Variants in NEDD4 observed in about 807,000 individuals in gnomAD.
NEDD4 encodes the protein NEDD4 E3 ubiquitin protein ligase.
Under a neutral mutation model 144.9 loss-of-function variants are expected in NEDD4, and 99 were observed. That is an observed-to-expected ratio of 0.68 (90% CI 0.58 to 0.81). The LOEUF (loss-of-function observed/expected upper bound fraction) is 0.81. Among genes scored for constraint, NEDD4 ranks in the 30% least tolerant of loss-of-function variants. The probability of loss-of-function intolerance (pLI) is 0.00; values close to 1 mark genes in which losing one functional copy is unlikely to be tolerated. For synonymous variants in NEDD4, 318 were observed against 350.6 expected (o/e 0.91, Z 1.04); for missense variants, 985 against 1,065.9 (o/e 0.92, Z 1.06).
At position 55,833,754 on chromosome 15, in the gene NEDD4, G is replaced by A. The variant is rs74015305; in HGVS notation, c.2430+284C>T. Among the ~76,000 whole-genome samples the A allele has an allele frequency of 9.8e-3, 1,486 of 152,248 alleles. 38 individuals are homozygous for A. Among genetic ancestry groups the A allele is most frequent in the African/African-American group, 0.034 (1,393 of 41,538 alleles). ...ACCCAGGAGTCCCTAGGAATACCCT[G>A]CAGGTTATTACAAGTTCTTTCAGTC... On this transcript the variant is annotated intron_variant, in intron 26 of 28. Coordinates refer to ENST00000435532, the MANE Select transcript of NEDD4 (RefSeq NM_006154.4).
chr15:55,930,410 C>G (rs970556318), intron 4 of NEDD4, among the ~76,000 whole-genome samples: 2 of 152,108 alleles, frequency 1.3e-5, no homozygotes, highest in Non-Finnish European at 2.9e-5. Flanking sequence ...AAAAGTTAGT[C>G]AAACCATTTT....
chr15:55,950,120 G>T (rs2037211172), intron 4 of NEDD4, among the ~76,000 whole-genome samples: 1 of 152,040 alleles, frequency 6.6e-6, no homozygotes, highest in Non-Finnish European at 1.5e-5. Context: ...ATCAAGTCTG[G>T]AATTTATTCT....
rs147936010 is a variant in NEDD4 at position 55,924,810 on chromosome 15, G to A, written c.238-111C>T. 4,665 of 1,055,644 alleles carry A rather than the reference G, an allele frequency of 4.4e-3. 148 individuals are homozygous for A. The African/African-American group carries it at 0.067, about 15-fold the overall frequency. 65.4% of individuals were successfully genotyped at this position (1,055,644 alleles called of 1,614,324 possible). On this transcript the variant is annotated intron_variant, in intron 4 of 28. Transcript: ENST00000435532. ...TGGTCGGGCATGGTGGCTCATGCCT[G>A]TAATCCCAGCACTTTGGGAGGCCGA...
intron 1 of NEDD4, among the ~76,000 whole-genome samples, chr15:55,977,589 C>T (rs2037726998): frequency 1.3e-5 from 2 of 151,922 alleles, no homozygotes; most frequent in African/African-American, 2.4e-5. Flanking sequence ...TCTTCCATCA[C>T]CAAATAAAAT....
intron 19 of NEDD4, among the ~76,000 whole-genome samples, chr15:55,841,573 A>AC (rs1426378962): frequency 1.8e-4 from 27 of 152,190 alleles, no homozygotes; most frequent in South Asian, 4.1e-4. Context: ...TTGTATATTT[A>AC]AAATGGCTAA....
chr15:55,938,317 C>A (rs148316623), intron 4 of NEDD4, among the ~76,000 whole-genome samples: 2 of 152,022 alleles, frequency 1.3e-5, no homozygotes, highest in Admixed American at 1.3e-4. Context: ...CGAGATCGTG[C>A]CACTGCATTC....
At chr15:55,969,870 G>A (rs1390353525) in intron 1 of NEDD4, among the ~76,000 whole-genome samples, 3 of 150,214 alleles carry the variant, frequency 2.0e-5, no homozygotes, top group African/African-American at 7.4e-5. Flanking sequence ...CCTGCTTAAG[G>A]AAAGGAGAGG....
At chr15:55,938,489 C>T (rs774737408) in intron 4 of NEDD4, among the ~76,000 whole-genome samples, 40 of 152,050 alleles carry the variant, frequency 2.6e-4, no homozygotes, top group Admixed American at 1.8e-3. Context: ...CAAACAAGAC[C>T]CGACACTGTA....
intron 1 of NEDD4, among the ~76,000 whole-genome samples, chr15:55,976,941 T>A (rs1323051245): frequency 3.9e-5 from 6 of 152,158 alleles, no homozygotes; most frequent in Non-Finnish European, 8.8e-5. Context: ...CCAACATTTT[T>A]AAAATTTTAA....
intron 2 of NEDD4, among the ~76,000 whole-genome samples, chr15:55,965,036 C>A (rs72734352): frequency 0.11 from 17,459 of 151,950 alleles, 1,183 homozygotes; most frequent in East Asian, 0.32. Flanking sequence ...GCCTGAGGCC[C>A]TCACTAGATG....
At chr15:55,918,885 CTT>C (rs1385920801) in intron 5 of NEDD4, among the ~76,000 whole-genome samples, 2 of 152,084 alleles carry the variant, frequency 1.3e-5, no homozygotes, top group Non-Finnish European at 2.9e-5. Flanking sequence ...CTTCAAATGA[CTT>C]CAGCGTTCTT....
intron 5 of NEDD4, among the ~76,000 whole-genome samples, chr15:55,924,211 G>A (rs896352208): frequency 6.6e-6 from 1 of 152,068 alleles, no homozygotes; most frequent in African/African-American, 2.4e-5. Context: ...GTAGAAGAGT[G>A]GGGATGAGAG....
chr15:55,841,846 C>T, intron 19 of NEDD4, 88 bp downstream of exon 19: 4 of 1,080,240 alleles, frequency 3.7e-6, no homozygotes, highest in Non-Finnish European at 5.6e-6. Flanking sequence ...GCTGGGATTA[C>T]AGGCATGAGC....
chr15:55,840,182 A>C (rs928124608), intron 21 of NEDD4, among the ~76,000 whole-genome samples: 2 of 151,138 alleles, frequency 1.3e-5, no homozygotes, highest in Non-Finnish European at 2.9e-5. Context: ...AGACAGACTG[A>C]TGGATAGACA....
intron 5 of NEDD4, among the ~76,000 whole-genome samples, chr15:55,894,881 A>G (rs2035690649): frequency 1.3e-5 from 2 of 152,328 alleles, no homozygotes; most frequent in South Asian, 4.1e-4. Flanking sequence ...AATTATTTCT[A>G]AAGTTAAAAT....
chr15:55,949,703 A>G lies in NEDD4; in HGVS notation c.237+1673T>C, dbSNP rs538005786. 3.9e-5 allele frequency among the ~76,000 whole-genome samples: 6 copies of G among 152,338 alleles called. No individual in the cohort carries two copies. In the South Asian group the frequency reaches 1.2e-3, roughly 32 times the overall value. ...ATTCTCAGCAAACTGTCGCAGGGACAAAAAACCAAACACCTCATGTTCTCA... is the reference window on the plus strand; with the variant it reads ...ATTCTCAGCAAACTGTCGCAGGGACGAAAAACCAAACACCTCATGTTCTCA... On this transcript the variant is annotated intron_variant, in intron 4 of 28. Transcript: ENST00000435532.
chr15:55,832,269 G>A (rs1294168690), intron 27 of NEDD4, among the ~76,000 whole-genome samples: 1 of 151,480 alleles, frequency 6.6e-6, no homozygotes, highest in African/African-American at 2.4e-5. Context: ...TTCTACAGAA[G>A]TCCTGAAGAA....
intron 5 of NEDD4, chr15:55,916,577 G>A (rs1405494197): frequency 1.9e-6 from 3 of 1,613,952 alleles, no homozygotes; most frequent in African/African-American, 2.7e-5. Flanking sequence ...TCTGTAGACA[G>A]CTGCTCTTTT....
intron 5 of NEDD4, among the ~76,000 whole-genome samples, chr15:55,914,468 A>G (rs2142204445): frequency 6.6e-6 from 1 of 152,118 alleles, no homozygotes; most frequent in East Asian, 1.9e-4. Flanking sequence ...TACTAATATA[A>G]TAAAGCTGAA....
Sources: gnomAD v4.1 joint callset for allele counts (sites outside exome capture counted in the v4.1 genomes callset) on GRCh38, gnomAD v4.1.1 for gene constraint, MANE v1.5 for transcripts, NCBI Gene and HGNC (gene_info 2026-07-23, HGNC 2026-07-21) for gene names.